Variants in AFDN observed in about 807,000 individuals in gnomAD.
The protein encoded by AFDN is afadin, adherens junction formation factor.
A neutral mutation model predicts 216.6 loss-of-function variants in AFDN; 68 were observed. The ratio of observed to expected loss-of-function variants is 0.31; its 90% confidence interval spans 0.26 to 0.38. AFDN has a LOEUF of 0.38. AFDN is among the 10% of genes least tolerant of loss of function. AFDN has a pLI of 1.00. For synonymous variants in AFDN, 868 were observed against 853.7 expected (o/e 1.02, Z -0.29); for missense variants, 2,136 against 2,342.0 (o/e 0.91, Z 1.82).
In AFDN at chr6:167,968,763, C is replaced by T. The variant is rs116634033; in HGVS notation, c.5258-351C>T. Reference sequence around the variant, plus strand: ...CATCTTTTGATCCTCAACAATCCACCGAAGCCAGTAGGAACAGGGCAAATG... The same window carrying T: ...CATCTTTTGATCCTCAACAATCCACTGAAGCCAGTAGGAACAGGGCAAATG... On this transcript the variant is annotated intron_variant, in intron 32 of 33. Transcript: ENST00000683244. 964 of 225,200 alleles carry T rather than the reference C, an allele frequency of 4.3e-3. 2 individuals carry two copies. The highest frequency in any genetic ancestry group is 0.017 in the African/African-American group (790 of 45,248). The allele number at this position is 225,200 out of a possible 1,614,324, so 14.0% of individuals were successfully genotyped here.
In AFDN at chr6:167,907,206, T is replaced by C; in HGVS notation, c.1686T>C (p.Ser562=). Reference sequence around the variant, plus strand: ...GGCTGGACAGCGACAGAGTGTCGTCTGCCTCTAGCACAGCCGAGCGGGGAA... The same window carrying C: ...GGCTGGACAGCGACAGAGTGTCGTCCGCCTCTAGCACAGCCGAGCGGGGAA... ...TTRLDSDRVS[S]ASSTAERGMV... is the part of the protein sequence containing the mutation. The change falls in exon 13 of 34, where the codon TCT becomes TCC. Residue 562 remains serine (S), a synonymous_variant. Coordinates refer to ENST00000683244, the MANE Select transcript of AFDN (RefSeq NM_001386888.1). 1 of 1,614,200 alleles carries C rather than the reference T, an allele frequency of 6.2e-7. No individual in the cohort carries two copies. Among genetic ancestry groups the C allele is most frequent in the Non-Finnish European group, 8.5e-7 (1 of 1,180,028 alleles).
At chr6:167,922,430 G>C (rs1296642384) in intron 21 of AFDN, among the ~76,000 whole-genome samples, 1 of 152,210 alleles carries the variant, frequency 6.6e-6, no homozygotes, top group Non-Finnish European at 1.5e-5. Context: ...CCGAGAGTCT[G>C]ACGTGCTGGC....
intron 3 of AFDN, among the ~76,000 whole-genome samples, chr6:167,871,445 C>A (rs1258459356): frequency 6.6e-6 from 1 of 152,184 alleles, no homozygotes; most frequent in Admixed American, 6.5e-5. Flanking sequence ...GTGCAGTGCT[C>A]CAAGTATCTA....
chr6:167,872,191 G>A (rs1784871268), intron 3 of AFDN, 23 bp from the exon 4 acceptor site: 2 of 1,598,424 alleles, frequency 1.3e-6, no homozygotes, highest in Non-Finnish European at 1.7e-6. Context: ...TAGTCAATAT[G>A]GTGATAATGT....
chr6:167,938,362 G>A lies in AFDN; in HGVS notation c.3100-4767G>A, dbSNP rs527688774. Reference sequence around the variant, plus strand: ...CAGGAAGCTGCTGTGAATTTTTACAGCAGCTGGCAGTTACAAGAGTCTGGT... The same window carrying A: ...CAGGAAGCTGCTGTGAATTTTTACAACAGCTGGCAGTTACAAGAGTCTGGT... On this transcript the variant is annotated intron_variant, in intron 23 of 33. Transcript: ENST00000683244. 1.2e-4 allele frequency among the ~76,000 whole-genome samples: 19 copies of A among 152,288 alleles called. No homozygotes were observed. The South Asian group carries it at 3.3e-3, about 27-fold the overall frequency.
rs1373239968 is a variant in AFDN, at chr6:167,855,981, AAC to A, written c.106-8568_106-8567del. Among the ~76,000 whole-genome samples, 15 of 152,258 alleles carry A rather than the reference AAC, an allele frequency of 9.9e-5. No homozygotes were observed. In the South Asian group the frequency reaches 3.1e-3, roughly 32 times the overall value. On this transcript the variant is annotated intron_variant, in intron 1 of 33. Transcript: ENST00000683244. ...ATACGAAATGGAAAATCCAAAAATA[AAC>A]AACTAATATGTTTCGAATTGCATGA... is the stretch of plus-strand genomic sequence containing the variant.
At chr6:167,866,265 G>C (rs1217263498) in intron 2 of AFDN, among the ~76,000 whole-genome samples, 1 of 152,136 alleles carries the variant, frequency 6.6e-6, no homozygotes, top group Non-Finnish European at 1.5e-5. Flanking sequence ...GATGGTTAAA[G>C]AAGAAGGAAA....
chr6:167,946,808 C>T lies in AFDN; in HGVS notation c.3460C>T (p.Pro1154Ser), dbSNP rs1057321122. The T allele has an allele frequency of 3.7e-6, 6 of 1,613,148 alleles. No homozygotes were observed. Among genetic ancestry groups the T allele is most frequent in the Non-Finnish European group, 5.1e-6 (6 of 1,179,814 alleles). The change falls in exon 27 of 34, where the codon CCT becomes TCT. Residue 1154 changes from proline to serine, a missense_variant. By Grantham distance (74) the Pro-to-Ser change is moderately conservative. Around this residue, in one of 8 missense-constraint regions of AFDN, gnomAD observed 981 missense variants for 966.0 expected, o/e 1.02. Coordinates refer to ENST00000683244, the MANE Select transcript of AFDN (RefSeq NM_001386888.1). ...QNGSPESPQL[P>S]WAEYSEPKKL... ...TGGGTCTCCTGAGAGTCCTCAGCTG[C>T]CTTGGGCAGAATATAGTGAACCAAA...
At chr6:167,831,568 AT>A (rs1174469725) in intron 1 of AFDN, among the ~76,000 whole-genome samples, 2 of 152,132 alleles carry the variant, frequency 1.3e-5, no homozygotes, top group African/African-American at 4.8e-5. Flanking sequence ...AAATAATTTT[AT>A]TTTACATAAT....
intron 11 of AFDN, among the ~76,000 whole-genome samples, chr6:167,901,654 G>A (rs918543450): frequency 5.9e-5 from 9 of 152,078 alleles, no homozygotes; most frequent in Non-Finnish European, 1.2e-4. Context: ...TGTTCCTCAT[G>A]TGTCACTTTC....
At chr6:167,829,172 A>G (rs993535958) in intron 1 of AFDN, among the ~76,000 whole-genome samples, 2 of 152,160 alleles carry the variant, frequency 1.3e-5, no homozygotes, top group Admixed American at 6.5e-5. Context: ...TCAGAATTGT[A>G]TTAGAAGCCT....
chr6:167,925,185 C>A, intron 23 of AFDN, 94 bp downstream of exon 23: 1 of 869,532 alleles, frequency 1.2e-6, no homozygotes, highest in Non-Finnish European at 1.9e-6. Context: ...TACTTTACCA[C>A]CTGTGTATAA....
intron 6 of AFDN, among the ~76,000 whole-genome samples, chr6:167,883,240 A>G (rs1786368838): frequency 6.6e-6 from 1 of 152,200 alleles, no homozygotes. Flanking sequence ...GAGATTGGAG[A>G]TAATGTCCAA....
At chr6:167,943,284 A>G (rs1423362739) in intron 24 of AFDN, 90 bp downstream of exon 24, 2 of 1,425,204 alleles carry the variant, frequency 1.4e-6, no homozygotes, top group African/African-American at 2.8e-5. Context: ...CTAGTTATGT[A>G]GCACTATAGT....
intron 1 of AFDN, among the ~76,000 whole-genome samples, chr6:167,850,905 A>G (rs967986239): frequency 7.9e-5 from 12 of 151,464 alleles, no homozygotes; most frequent in Non-Finnish European, 1.5e-4. Flanking sequence ...GTGTGTGACA[A>G]AGTCTTGCTC....
rs1779165875 is a variant in AFDN, at chr6:167,827,080, C to T, written c.-53C>T. The T allele has an allele frequency of 1.4e-5, 14 of 1,019,596 alleles. No individual in the cohort carries two copies. Among genetic ancestry groups the T allele is most frequent in the Non-Finnish European group, 1.6e-5 (13 of 807,128 alleles). 63.2% of individuals were successfully genotyped at this position (1,019,596 alleles called of 1,614,324 possible). A position where few individuals can be genotyped will look rare whatever the true frequency, so the allele number is the denominator to read the frequency against. ...CGGGCCCCCGCGGACCTGTCGTCCT[C>T]GGCCCGTCCTCCGGCCCCGGCCCCG... On this transcript the variant is annotated 5_prime_UTR_variant, in exon 1 of 34. Transcript: ENST00000683244.
chr6:167,920,426 A>G (rs959474388), intron 21 of AFDN, among the ~76,000 whole-genome samples: 4 of 152,182 alleles, frequency 2.6e-5, no homozygotes, highest in African/African-American at 9.7e-5. Flanking sequence ...ACTGCTGAGA[A>G]GTATCCTTCC....
Position 167,969,117 on chromosome 6 carries a change from C to A in AFDN, c.5261C>A (p.Pro1754Gln). 3 of 1,613,002 alleles carry A rather than the reference C, an allele frequency of 1.9e-6. No individual in the cohort carries two copies. Among genetic ancestry groups the A allele is most frequent in the Middle Eastern group, 3.3e-4 (2 of 6,062 alleles). Residue 1754 changes from proline to glutamine, a missense_variant, in exon 33 of 34, where the codon CCA becomes CAA. By Grantham distance (76) the Pro-to-Gln change is moderately conservative. Around this residue, in one of 8 missense-constraint regions of AFDN, gnomAD observed 981 missense variants for 966.0 expected, o/e 1.02. Transcript: ENST00000683244. ...TACTGTTTCTTTCATGGAAAAGGAC[C>A]AAACTCTTACCCAGGATCTACTGGA... is the stretch of plus-strand genomic sequence containing the variant. ...EEEEDCSLAG[P>Q]NSYPGSTGAA...
chr6:167,870,221 T>A (rs1194246697), intron 2 of AFDN, among the ~76,000 whole-genome samples, 165 bp from the exon 3 acceptor site: 2 of 152,234 alleles, frequency 1.3e-5, no homozygotes, highest in Admixed American at 6.5e-5. Flanking sequence ...AGCAACAAAA[T>A]GTTGAATTAA....
Sources: gnomAD v4.1 joint callset for allele counts (sites outside exome capture counted in the v4.1 genomes callset) on GRCh38, gnomAD v4.1.1 for gene constraint, gnomAD v4.1.1 regional missense constraint, MANE v1.5 for transcripts, NCBI Gene and HGNC (gene_info 2026-07-23, HGNC 2026-07-21) for gene names.